Variants in LUZP2 observed in about 807,000 individuals in gnomAD.
LUZP2 encodes the protein leucine zipper protein 2.
LUZP2 carries 52 observed loss-of-function variants against 51.6 expected under a neutral mutation model. The observed-to-expected ratio is 1.01, with a 90% CI of 0.81 to 1.27. The LOEUF (loss-of-function observed/expected upper bound fraction) is 1.27, where lower values mean the gene tolerates loss of function less well. Among genes scored for constraint, LUZP2 ranks in the 50% most tolerant of loss-of-function variants. LUZP2 has a pLI of 0.00. For missense variants in LUZP2, 436 were observed against 395.4 expected (o/e 1.10, Z -0.87); for synonymous variants, 154 against 137.3 (o/e 1.12, Z -0.85).
chr11:24,898,244 T>C (rs1853147977), intron 5 of LUZP2, among the ~76,000 whole-genome samples: 1 of 109,522 alleles, frequency 9.1e-6, no homozygotes, highest in African/African-American at 3.1e-5. Context: ...GAGTGACAAT[T>C]ATAAAAAAAA....
rs1009360260 is a variant in LUZP2 at position 24,601,485 on chromosome 11, T to A, written c.62+104180T>A. 3.9e-5 allele frequency among the ~76,000 whole-genome samples: 6 copies of A among 152,074 alleles called. No homozygotes were observed. In the East Asian group the frequency reaches 1.2e-3, roughly 29 times the overall value. ...ATAGTTCTGATTCTCTTTATTGGTT[T>A]CTTTTTACTTTACCAGCTTTCTTAA... On this transcript the variant is annotated intron_variant, in intron 1 of 11. Transcript: ENST00000336930.
chr11:24,686,007 T>C (rs888549784), intron 1 of LUZP2, among the ~76,000 whole-genome samples: 18 of 152,148 alleles, frequency 1.2e-4, no homozygotes, highest in Non-Finnish European at 2.1e-4. Flanking sequence ...TTGACACTCT[T>C]ATATAGTGTT....
At chr11:24,839,536 C>T (rs1388987182) in intron 5 of LUZP2, among the ~76,000 whole-genome samples, 1 of 151,616 alleles carries the variant, frequency 6.6e-6, no homozygotes, top group East Asian at 1.9e-4. Flanking sequence ...TAGTACAATT[C>T]AATATTGATG....
At chr11:24,803,657 A>T (rs776751503) in intron 5 of LUZP2, among the ~76,000 whole-genome samples, 15 of 152,138 alleles carry the variant, frequency 9.9e-5, no homozygotes, top group African/African-American at 1.2e-4. Flanking sequence ...TTAAAAAGAA[A>T]AGAAATTCTG....
chr11:24,500,281 A>G (rs541761674), intron 1 of LUZP2, among the ~76,000 whole-genome samples: 1 of 152,330 alleles, frequency 6.6e-6, no homozygotes, highest in South Asian at 2.1e-4. Context: ...GTCCTGGCAT[A>G]TGGTCTCTCC....
intron 1 of LUZP2, among the ~76,000 whole-genome samples, chr11:24,721,340 A>T (rs984201993): frequency 1.6e-5 from 1 of 63,296 alleles, no homozygotes; most frequent in Admixed American, 1.4e-4. Context: ...CTGATAATGT[A>T]AAAGAAAAAG....
intron 1 of LUZP2, among the ~76,000 whole-genome samples, chr11:24,648,542 A>G (rs1855531551): frequency 6.6e-6 from 1 of 151,870 alleles, no homozygotes. Flanking sequence ...ATACATTCTG[A>G]TTTATAGACT....
intron 9 of LUZP2, among the ~76,000 whole-genome samples, chr11:25,035,531 C>A (rs534949357): frequency 1.5e-4 from 23 of 151,956 alleles, no homozygotes; most frequent in African/African-American, 3.4e-4. Flanking sequence ...TGAAAAAAAA[C>A]CAGGTATGAC....
intron 5 of LUZP2, among the ~76,000 whole-genome samples, chr11:24,776,537 G>A (rs1848931985): frequency 6.6e-6 from 1 of 152,038 alleles, no homozygotes; most frequent in African/African-American, 2.4e-5. Flanking sequence ...ACTACTCCCT[G>A]CCATCCTCGA....
intron 9 of LUZP2, among the ~76,000 whole-genome samples, chr11:25,044,350 T>C (rs1469023823): frequency 1.3e-5 from 2 of 148,468 alleles, no homozygotes; most frequent in Admixed American, 6.8e-5. Flanking sequence ...TTCCTTTCAC[T>C]CCAATATACA....
At chr11:24,653,805 A>T (rs1480346314) in intron 1 of LUZP2, among the ~76,000 whole-genome samples, 1 of 152,240 alleles carries the variant, frequency 6.6e-6, no homozygotes. Context: ...AAGAGAGTCT[A>T]CAAATGTGTA....
intron 9 of LUZP2, among the ~76,000 whole-genome samples, chr11:25,000,368 G>T (rs576709721): frequency 8.2e-4 from 125 of 152,212 alleles, no homozygotes; most frequent in Non-Finnish European, 1.4e-3. Context: ...CTGGATAGGG[G>T]CAAAGAAGGG....
chr11:24,965,508 T>C (rs1300149817), intron 7 of LUZP2, among the ~76,000 whole-genome samples: 1 of 151,710 alleles, frequency 6.6e-6, no homozygotes, highest in African/African-American at 2.4e-5. Context: ...GAATAAATTA[T>C]TTGTTTTTGA....
intron 1 of LUZP2, among the ~76,000 whole-genome samples, chr11:24,703,861 C>A (rs368933725): frequency 8.8e-5 from 4 of 45,206 alleles, no homozygotes; most frequent in Non-Finnish European, 1.3e-4. Flanking sequence ...ACAAAAAAAA[C>A]GAACAAAAAA....
chr11:24,932,251 G>A (rs1854476337), intron 7 of LUZP2, among the ~76,000 whole-genome samples: 1 of 152,156 alleles, frequency 6.6e-6, no homozygotes, highest in South Asian at 2.1e-4. Context: ...CCAGGAAATG[G>A]CACATTCAAG....
chr11:24,914,421 T>A lies in LUZP2; in HGVS notation c.460-55T>A, dbSNP rs1411280943. 1.1e-5 allele frequency: 14 copies of A among 1,302,610 alleles called. No individual in the cohort carries two copies. In the East Asian group the frequency reaches 3.0e-4, roughly 28 times the overall value. The allele number at this position is 1,302,610 out of a possible 1,614,324, so 80.7% of individuals were successfully genotyped here. On this transcript the variant is annotated intron_variant, in intron 6 of 11. Transcript: ENST00000336930. ...GTGAAGTCTGAAAGTATTTTAATCT[T>A]CAAGTTTGAAAATATAAATGAGTTA...
At chr11:24,854,514 G>A (rs1039931059) in intron 5 of LUZP2, among the ~76,000 whole-genome samples, 2 of 152,154 alleles carry the variant, frequency 1.3e-5, no homozygotes, top group Non-Finnish European at 2.9e-5. Flanking sequence ...TGTTGTGCTG[G>A]CAGTGAGAAT....
chr11:24,650,491 A>G (rs1281291926), intron 1 of LUZP2, among the ~76,000 whole-genome samples: 1 of 152,016 alleles, frequency 6.6e-6, no homozygotes, highest in Non-Finnish European at 1.5e-5. Flanking sequence ...GATTCCGAAG[A>G]GCCATCATAA....
At chr11:25,015,196 A>G (rs1440581700) in intron 9 of LUZP2, among the ~76,000 whole-genome samples, 1 of 152,206 alleles carries the variant, frequency 6.6e-6, no homozygotes, top group Non-Finnish European at 1.5e-5. Flanking sequence ...ACTAAAAGAA[A>G]GAAACATTAT....
Sources: allele counts gnomAD v4.1 joint callset (sites outside exome capture counted in the v4.1 genomes callset), GRCh38; gene constraint gnomAD v4.1.1; transcripts MANE v1.5; gene names NCBI Gene and HGNC (gene_info 2026-07-23, HGNC 2026-07-21).